NSG2: variants seen among roughly 807,000 people sequenced by gnomAD.
The protein encoded by NSG2 is neuronal vesicle trafficking associated 2.
Under a neutral mutation model 16.9 loss-of-function variants are expected in NSG2, and 4 were observed. The ratio of observed to expected loss-of-function variants is 0.24; its 90% CI spans 0.12 to 0.54. The LOEUF (loss-of-function observed/expected upper bound fraction) is 0.54. NSG2 is among the 20% of genes least tolerant of loss of function. The pLI, the probability that NSG2 is intolerant of heterozygous loss-of-function variation, is 0.95. For synonymous variants in NSG2, 98 were observed against 88.7 expected (o/e 1.11, Z -0.59); for missense variants, 179 against 221.1 (o/e 0.81, Z 1.21).
At chr5:174,062,486 A>G (rs1400384203) in intron 2 of NSG2, 1 of 152,218 alleles carries the variant, frequency 6.6e-6, no homozygotes, top group East Asian at 1.9e-4. Flanking sequence ...ATAACAGAGC[A>G]TCCTTCTGCC....
chr5:174,089,668 C>G (rs1478061686), intron 3 of NSG2, among the ~76,000 whole-genome samples: 1 of 152,156 alleles, frequency 6.6e-6, no homozygotes, highest in Non-Finnish European at 1.5e-5. Flanking sequence ...ATTTGTTGCC[C>G]AGGCTGGGGT....
intron 3 of NSG2, among the ~76,000 whole-genome samples, chr5:174,078,497 G>A (rs1049757272): frequency 5.3e-5 from 8 of 152,150 alleles, no homozygotes; most frequent in Admixed American, 1.3e-4. Context: ...ATTAGTCCAC[G>A]ATTGTTCTAG....
intron 2 of NSG2, among the ~76,000 whole-genome samples, chr5:174,052,564 A>G (rs139417046): frequency 6.6e-6 from 1 of 152,326 alleles, no homozygotes; most frequent in South Asian, 2.1e-4. Context: ...TCTCCAGGCC[A>G]TGGGAGCAAG....
intron 2 of NSG2, among the ~76,000 whole-genome samples, chr5:174,057,345 G>A (rs1759981265): frequency 6.6e-6 from 1 of 152,072 alleles, no homozygotes; most frequent in South Asian, 2.1e-4. Flanking sequence ...TTGCCTATGC[G>A]AGCTGATTCC....
At chr5:174,075,473 T>C (rs990480149) in intron 3 of NSG2, among the ~76,000 whole-genome samples, 1 of 152,226 alleles carries the variant, frequency 6.6e-6, no homozygotes, top group African/African-American at 2.4e-5. Flanking sequence ...TTGCTGCAGA[T>C]CCCTGTTATT....
In NSG2 at chr5:174,072,719, C is replaced by G. The variant is rs1456699122; in HGVS notation, c.213+8404C>G. On this transcript the variant is annotated intron_variant, in intron 3 of 4. Coordinates refer to ENST00000303177, the MANE Select transcript of NSG2 (RefSeq NM_015980.5). This position sits in a 1 kb window ranked among gnomAD's most constrained non-coding sequence, Gnocchi z 4.0. The stretch of plus-strand genomic sequence containing the variant: ...ATGAATAAGGCTGGGTGTGGTGGCT[C>G]ACACCTGTAATCCTAGCACTTTGGA... 1.3e-5 allele frequency among the ~76,000 whole-genome samples: 2 copies of G among 152,334 alleles called. No individual in the cohort carries two copies. The highest frequency in any genetic ancestry group is 1.3e-4 in the Admixed American group (2 of 15,310).
At chr5:174,106,804 A>C (rs1444506814) in intron 4 of NSG2, among the ~76,000 whole-genome samples, 1 of 152,052 alleles carries the variant, frequency 6.6e-6, no homozygotes, top group Non-Finnish European at 1.5e-5. Flanking sequence ...TCTGTTGGTC[A>C]GGCTGGTGTT....
In NSG2 at chr5:174,107,384, T is replaced by A; in HGVS notation, c.395T>A (p.Phe132Tyr). ...SSQDPNSRSR[F>Y]YTVISHYSVA... Reference sequence around the variant, plus strand: ...CAGGACCCCAATTCCAGAAGCCGCTTCTACACAGTCATCAGCCACTACAGC... The same window carrying A: ...CAGGACCCCAATTCCAGAAGCCGCTACTACACAGTCATCAGCCACTACAGC... The change falls in exon 5 of 5, where the codon TTC becomes TAC. Residue 132 changes from phenylalanine (F) to tyrosine (Y), a missense_variant. By Grantham distance (22) the Phe-to-Tyr change is conservative. Transcript: ENST00000303177. The surrounding 1 kb of genome is among the most constrained non-coding windows in gnomAD (Gnocchi z 4.5). The A allele has an allele frequency of 6.2e-7, 1 of 1,608,060 alleles. No individual in the cohort carries two copies. Among genetic ancestry groups the A allele is most frequent in the African/African-American group, 1.3e-5 (1 of 74,936 alleles).
At position 174,107,466 on chromosome 5, in the gene NSG2, C is replaced by G. The variant is rs747207528; in HGVS notation, c.477C>G (p.Val159=). Residue 159 remains valine, a synonymous_variant, in exon 5 of 5, where the codon GTC becomes GTG. Transcript: ENST00000303177. The surrounding 1 kb of genome is among the most constrained non-coding windows in gnomAD (Gnocchi z 4.5). ...AIGPWLSAAA[V]IHEPKPPKTQ... Reference sequence around the variant, plus strand: ...GGCCGTGGCTGTCAGCAGCCGCTGTCATCCATGAGCCCAAGCCGCCCAAGA... The same window carrying G: ...GGCCGTGGCTGTCAGCAGCCGCTGTGATCCATGAGCCCAAGCCGCCCAAGA... 6.2e-7 allele frequency: 1 copy of G among 1,612,288 alleles called. No individual in the cohort carries two copies. The highest frequency in any genetic ancestry group is 1.3e-5 in the African/African-American group (1 of 75,020).
intron 3 of NSG2, among the ~76,000 whole-genome samples, chr5:174,078,022 C>T (rs1374602088): frequency 1.3e-5 from 2 of 152,186 alleles, no homozygotes; most frequent in African/African-American, 4.8e-5. Flanking sequence ...AGCCCCTAGC[C>T]ACCTGTGGCT....
rs767144913 is a variant in NSG2 at position 174,107,600 on chromosome 5, G to T, written c.*95G>T. On this transcript the variant is annotated 3_prime_UTR_variant, in exon 5 of 5. Transcript: ENST00000303177. The surrounding 1 kb of genome is among the most constrained non-coding windows in gnomAD (Gnocchi z 4.5). ...TTACAAGACAACACTGTACTCCTGG[G>T]ATATGGGGGCGGGGGCGGGGCAGGG... is the stretch of plus-strand genomic sequence containing the variant. 6.9e-6 allele frequency: 4 copies of T among 576,396 alleles called. No individual in the cohort carries two copies. Among genetic ancestry groups the T allele is most frequent in the South Asian group, 3.0e-5 (2 of 65,670 alleles). The allele number at this position is 576,396 out of a possible 1,614,324, so 35.7% of individuals were successfully genotyped here.
At chr5:174,099,108 C>T (rs1382750726) in intron 3 of NSG2, among the ~76,000 whole-genome samples, 1 of 152,100 alleles carries the variant, frequency 6.6e-6, no homozygotes, top group Non-Finnish European at 1.5e-5. Flanking sequence ...GGATCAGGCA[C>T]GTAGGCCCCT....
At chr5:174,103,501 G>A (rs1210340474) in intron 3 of NSG2, among the ~76,000 whole-genome samples, 1 of 152,148 alleles carries the variant, frequency 6.6e-6, no homozygotes, top group African/African-American at 2.4e-5. Context: ...GGCGAAAGAA[G>A]CAGTTGATGT....
intron 3 of NSG2, among the ~76,000 whole-genome samples, chr5:174,075,331 A>G (rs1400980867): frequency 6.6e-6 from 1 of 152,180 alleles, no homozygotes; most frequent in Non-Finnish European, 1.5e-5. Flanking sequence ...ATGTGTGGTT[A>G]TGTGTATGTG....
intron 3 of NSG2, among the ~76,000 whole-genome samples, chr5:174,070,494 C>T (rs1760220082): frequency 1.3e-5 from 2 of 152,160 alleles, no homozygotes; most frequent in Non-Finnish European, 2.9e-5. Flanking sequence ...GACCTTCCTG[C>T]CTTCTTTCCT....
chr5:174,046,999 T>C (rs1357458919), intron 2 of NSG2, 115 bp downstream of exon 2: 1 of 1,027,866 alleles, frequency 9.7e-7, no homozygotes, highest in Non-Finnish European at 1.4e-6. Flanking sequence ...CCAAATGTGC[T>C]CCCTTTCTTG....
chr5:174,055,009 C>T lies in NSG2; in HGVS notation c.129+8125C>T, dbSNP rs1307926619. ...TCTAGTACGTAGTAGATGCTTAATG[C>T]AACGGAGTAATTATTATTGCTGTTG... On this transcript the variant is annotated intron_variant, in intron 2 of 4. Coordinates refer to ENST00000303177, the MANE Select transcript of NSG2 (RefSeq NM_015980.5). Among the ~76,000 whole-genome samples the T allele has an allele frequency of 2.0e-5, 3 of 152,210 alleles. No individual in the cohort carries two copies. In the East Asian group the frequency reaches 5.8e-4, roughly 29 times the overall value.
intron 3 of NSG2, among the ~76,000 whole-genome samples, chr5:174,100,672 T>C (rs1290526164): frequency 6.6e-6 from 1 of 152,230 alleles, no homozygotes; most frequent in Non-Finnish European, 1.5e-5. Flanking sequence ...GTGCTCGTGC[T>C]CTCTAGCCCT....
intron 2 of NSG2, among the ~76,000 whole-genome samples, chr5:174,062,390 A>G (rs1036868525): frequency 6.6e-6 from 1 of 152,240 alleles, no homozygotes; most frequent in African/African-American, 2.4e-5. Flanking sequence ...GTAAATGCAC[A>G]AAGTATGAGA....
Sources: allele counts gnomAD v4.1 joint callset (sites outside exome capture counted in the v4.1 genomes callset), GRCh38; gene constraint gnomAD v4.1.1; non-coding constraint Gnocchi (gnomAD v3.1); transcripts MANE v1.5; gene names NCBI Gene and HGNC (gene_info 2026-07-23, HGNC 2026-07-21).